Variants in SULF1 observed in about 807,000 individuals in gnomAD.
The protein encoded by SULF1 is extracellular sulfatase Sulf-1.
In SULF1, 46 loss-of-function variants were observed where a neutral mutation model predicts 110.5. The ratio of observed to expected loss-of-function variants is 0.42; its 90% confidence interval spans 0.33 to 0.53. The LOEUF (loss-of-function observed/expected upper bound fraction) is 0.53. Ranked by LOEUF, SULF1 falls within the 20% of genes least tolerant of loss-of-function variation. SULF1 has a pLI of 0.12. For missense variants in SULF1, 941 were observed against 1,094.2 expected (o/e 0.86, Z 1.98); for synonymous variants, 371 against 387.1 (o/e 0.96, Z 0.49).
At chr8:69,531,634 A>C (rs1449763418) in intron 3 of SULF1, among the ~76,000 whole-genome samples, 1 of 152,246 alleles carries the variant, frequency 6.6e-6, no homozygotes, top group Non-Finnish European at 1.5e-5. Flanking sequence ...ACAGTAATTA[A>C]TGTGGAAGCT....
intron 19 of SULF1, 49 bp from the exon 20 acceptor site, chr8:69,638,453 G>A (rs200784672): frequency 6.3e-7 from 1 of 1,591,998 alleles, no homozygotes; most frequent in Admixed American, 1.8e-5. Flanking sequence ...GCCTGCCTAA[G>A]GTTTTTCACT....
At chr8:69,573,725 C>G (rs1047060587) in intron 5 of SULF1, among the ~76,000 whole-genome samples, 1 of 152,234 alleles carries the variant, frequency 6.6e-6, no homozygotes, top group Admixed American at 6.5e-5. Context: ...CTCCGTTCAT[C>G]CACTTATCTC....
At chr8:69,468,544 C>G (rs2583085) in intron 1 of SULF1, among the ~76,000 whole-genome samples, 21 of 151,980 alleles carry the variant, frequency 1.4e-4, no homozygotes, top group African/African-American at 4.8e-4. Context: ...GCAGTTATTC[C>G]GACTGAGTAT....
chr8:69,474,918 A>AT (rs2150533785), intron 1 of SULF1, among the ~76,000 whole-genome samples: 1 of 152,314 alleles, frequency 6.6e-6, no homozygotes, highest in Non-Finnish European at 1.5e-5. Flanking sequence ...CAAAAGCTAC[A>AT]TTTTTGTTCC....
intron 1 of SULF1, among the ~76,000 whole-genome samples, chr8:69,472,594 C>G (rs1030114924): frequency 6.6e-6 from 1 of 152,216 alleles, no homozygotes; most frequent in Non-Finnish European, 1.5e-5. Context: ...ATCATCTGGT[C>G]TGCACCTGCC....
chr8:69,651,056 C>CTTTTTTTTTTT (rs1473830022), intron 22 of SULF1, among the ~76,000 whole-genome samples: 1 of 137,480 alleles, frequency 7.3e-6, no homozygotes, highest in African/African-American at 2.8e-5. Context: ...TTTTTCTTTT[C>CTTTTTTTTTTT]TTTTTTTTTT....
At chr8:69,468,392 A>T (rs2704028) in intron 1 of SULF1, among the ~76,000 whole-genome samples, 48,358 of 152,122 alleles carry the variant, frequency 0.32, 8,193 homozygotes, top group African/African-American at 0.43. Context: ...AACCATGCAG[A>T]TAATTTTTTT....
intron 2 of SULF1, among the ~76,000 whole-genome samples, chr8:69,498,936 G>T (rs545579299): frequency 2.0e-5 from 3 of 152,308 alleles, no homozygotes; most frequent in Admixed American, 6.5e-5. Context: ...TTGGCTCACT[G>T]CAGCCTTGAC....
Position 69,586,385 on chromosome 8 carries a change from T to C in SULF1, c.441T>C (p.Tyr147=), listed in dbSNP as rs371221472. Residue 147 remains tyrosine, a synonymous_variant, in exon 7 of 23, where the codon TAT becomes TAC. Coordinates refer to ENST00000402687, the MANE Select transcript of SULF1 (RefSeq NM_001128205.2). ...TAFFGKYLNE[Y]NGSYIPPGWR... ...TTTTTGGAAAATACCTCAATGAATATAATGGCAGCTACATCCCCCCTGGGT... is the reference window on the plus strand; with the variant it reads ...TTTTTGGAAAATACCTCAATGAATACAATGGCAGCTACATCCCCCCTGGGT... 4.4e-6 allele frequency: 7 copies of C among 1,601,162 alleles called. No homozygotes were observed. Among genetic ancestry groups the C allele is most frequent in the Admixed American group, 1.8e-5 (1 of 56,672 alleles).
chr8:69,646,319 C>A (rs1175845880), intron 22 of SULF1, among the ~76,000 whole-genome samples: 1 of 152,142 alleles, frequency 6.6e-6, no homozygotes, highest in Non-Finnish European at 1.5e-5. Flanking sequence ...CAGTTGCTAA[C>A]AGTATTACAA....
rs560305784 is a variant in SULF1 at position 69,656,460 on chromosome 8, T to A, written c.2586-2045T>A. ...AGCATGCATTAGCTATTTTCCCTGA[T>A]GCTCTCTTTCTCCCAACAACCCCAC... On this transcript the variant is annotated intron_variant, in intron 22 of 22. Coordinates refer to ENST00000402687, the MANE Select transcript of SULF1 (RefSeq NM_001128205.2). Among the ~76,000 whole-genome samples the A allele has an allele frequency of 8.1e-4, 124 of 152,320 alleles. 1 individual carries two copies. The highest frequency in any genetic ancestry group is 1.4e-3 in the Non-Finnish European group (94 of 68,030).
upstream of SULF1, among the ~76,000 whole-genome samples, chr8:69,488,050 A>G (rs1471868005): frequency 6.6e-6 from 1 of 152,230 alleles, no homozygotes; most frequent in Non-Finnish European, 1.5e-5. Context: ...AAGTGCCTGG[A>G]TTCTATAGAA....
rs1003213219 is a variant in SULF1 at position 69,603,071 on chromosome 8, A to C, written c.1062-121A>C. 18 of 1,381,484 alleles carry C rather than the reference A, an allele frequency of 1.3e-5. No homozygotes were observed. The African/African-American group carries it at 2.3e-4, about 18-fold the overall frequency. 85.6% of individuals were successfully genotyped at this position (1,381,484 alleles called of 1,614,324 possible). On this transcript the variant is annotated intron_variant, in intron 10 of 22. Coordinates refer to ENST00000402687, the MANE Select transcript of SULF1 (RefSeq NM_001128205.2). ...TGCCACACAACTACCCATGCCTAGG[A>C]GACCAGATGAGAGGGTGAGAAGAGT...
chr8:69,555,617 A>G (rs1453002385), intron 3 of SULF1, among the ~76,000 whole-genome samples: 1 of 151,956 alleles, frequency 6.6e-6, no homozygotes, highest in East Asian at 1.9e-4. Flanking sequence ...AGATCTTGCC[A>G]CTGCACTCCA....
intron 3 of SULF1, among the ~76,000 whole-genome samples, chr8:69,560,982 G>A (rs1815444445): frequency 6.6e-6 from 1 of 152,136 alleles, no homozygotes; most frequent in African/African-American, 2.4e-5. Context: ...TGGTGGTGGT[G>A]GGAAGAAGCT....
At position 69,574,481 on chromosome 8, in the gene SULF1, A is replaced by G. The variant is rs141944897; in HGVS notation, c.173-1489A>G. On this transcript the variant is annotated intron_variant, in intron 5 of 22. Transcript: ENST00000402687. ...TTTCAGAACTCTTATTAAGCCATCA[A>G]TCCAAGTTCCCTCTATTTTTATATG... Among the ~76,000 whole-genome samples, 440 of 152,240 alleles carry G rather than the reference A, an allele frequency of 2.9e-3. 2 individuals carry two copies. Among genetic ancestry groups the G allele is most frequent in the South Asian group, 8.3e-3 (40 of 4,812 alleles).
Position 69,621,076 on chromosome 8 carries a change from T to G in SULF1, c.1419T>G (p.Ile473Met). The change falls in exon 14 of 23, where the codon ATT (isoleucine) becomes ATG (methionine). Residue 473 changes from isoleucine (I) to methionine (M), a missense_variant. Around this residue, in one of 3 missense-constraint regions of SULF1, gnomAD observed 822 missense variants for 934.3 expected, o/e 0.88. Transcript: ENST00000402687. ...AGGATACATCTGGCAAGCTTCGAAT[T>G]CACAAGTGTAAAGGACCCAGTGACC... is the stretch of plus-strand genomic sequence containing the variant. ...CIEDTSGKLR[I>M]HKCKGPSDLL... 6.2e-7 allele frequency: 1 copy of G among 1,612,934 alleles called. No individual in the cohort carries two copies. Among genetic ancestry groups the G allele is most frequent in the Non-Finnish European group, 8.5e-7 (1 of 1,179,034 alleles).
intron 8 of SULF1, among the ~76,000 whole-genome samples, chr8:69,595,455 T>A (rs1350367427): frequency 6.6e-6 from 1 of 152,226 alleles, no homozygotes; most frequent in Non-Finnish European, 1.5e-5. Flanking sequence ...CTGCATATGT[T>A]CAAATGTTAC....
intron 3 of SULF1, among the ~76,000 whole-genome samples, chr8:69,516,517 A>G (rs1392795127): frequency 6.6e-6 from 1 of 152,230 alleles, no homozygotes; most frequent in Non-Finnish European, 1.5e-5. Context: ...ATTCAACATA[A>G]GATTTGGGTG....
Sources: gnomAD v4.1 joint callset for allele counts (sites outside exome capture counted in the v4.1 genomes callset) on GRCh38, gnomAD v4.1.1 for gene constraint, gnomAD v4.1.1 regional missense constraint, MANE v1.5 for transcripts, NCBI Gene and HGNC (gene_info 2026-07-23, HGNC 2026-07-21) for gene names.